MYO3A: variants seen among roughly 807,000 people sequenced by gnomAD.
The protein encoded by MYO3A is myosin-IIIa.
MYO3A carries 180 observed loss-of-function variants against 192.7 expected under a neutral mutation model. The ratio of observed to expected loss-of-function variants is 0.93; its 90% CI spans 0.83 to 1.06. The LOEUF (loss-of-function observed/expected upper bound fraction) is 1.06, where lower values mean the gene tolerates loss of function less well. MYO3A is among the 50% of genes least tolerant of loss of function. MYO3A has a pLI of 0.00. For missense variants in MYO3A, 1,896 were observed against 1,905.0 expected (o/e 1.00, Z 0.09); for synonymous variants, 628 against 645.3 (o/e 0.97, Z 0.41).
chr10:26,184,800 C>T (rs774809566), intron 31 of MYO3A, among the ~76,000 whole-genome samples: 3 of 152,186 alleles, frequency 2.0e-5, no homozygotes, highest in Admixed American at 1.3e-4. Context: ...AGCCACAAAC[C>T]TTATTATGCT....
At chr10:26,078,826 T>C (rs1835754950) in intron 14 of MYO3A, among the ~76,000 whole-genome samples, 1 of 152,174 alleles carries the variant, frequency 6.6e-6, no homozygotes, top group Non-Finnish European at 1.5e-5. Context: ...TGAAGGTTTC[T>C]TTTGGAGTTG....
chr10:26,147,632 A>G, intron 23 of MYO3A, 73 bp downstream of exon 23: 1 of 1,598,132 alleles, frequency 6.3e-7, no homozygotes, highest in Admixed American at 1.7e-5. Flanking sequence ...GCTTTTCACT[A>G]ATTTCATCCT....
chr10:25,965,073 G>T (rs772135837), intron 4 of MYO3A, among the ~76,000 whole-genome samples: 7 of 152,118 alleles, frequency 4.6e-5, no homozygotes, highest in Non-Finnish European at 1.0e-4. Context: ...TAAATGCCTT[G>T]AGGTAGTCTT....
chr10:26,199,616 A>G (rs1343678084), intron 32 of MYO3A, among the ~76,000 whole-genome samples: 15 of 152,184 alleles, frequency 9.9e-5, no homozygotes, highest in Admixed American at 9.2e-4. Context: ...GGCAAGAGTG[A>G]AAGATGTCTG....
chr10:25,947,651 C>T (rs1033100658), intron 2 of MYO3A, among the ~76,000 whole-genome samples: 2 of 152,094 alleles, frequency 1.3e-5, no homozygotes, highest in Non-Finnish European at 2.9e-5. Flanking sequence ...CCTCTACCTC[C>T]CAAAGTGTTG....
At chr10:25,989,489 T>C (rs995807806) in intron 4 of MYO3A, among the ~76,000 whole-genome samples, 1 of 152,126 alleles carries the variant, frequency 6.6e-6, no homozygotes, top group Non-Finnish European at 1.5e-5. Flanking sequence ...CATACTCCTG[T>C]ATAACCTGAA....
chr10:25,995,798 G>T (rs1840392403), intron 4 of MYO3A, among the ~76,000 whole-genome samples: 1 of 152,210 alleles, frequency 6.6e-6, no homozygotes, highest in Non-Finnish European at 1.5e-5. Context: ...GGTATCAGCA[G>T]CGGAGGCTGC....
chr10:26,191,470 T>G (rs1843125759), intron 31 of MYO3A, among the ~76,000 whole-genome samples: 1 of 152,232 alleles, frequency 6.6e-6, no homozygotes, highest in African/African-American at 2.4e-5. Context: ...CTTTTGTTTA[T>G]TACTAATCTG....
chr10:26,185,618 G>A (rs1043469743), intron 31 of MYO3A, among the ~76,000 whole-genome samples: 3 of 151,972 alleles, frequency 2.0e-5, no homozygotes, highest in African/African-American at 7.2e-5. Flanking sequence ...GGAATTACAG[G>A]TGTGAGCCAC....
chr10:26,105,500 T>A (rs1202389871), intron 17 of MYO3A, among the ~76,000 whole-genome samples: 2 of 152,176 alleles, frequency 1.3e-5, no homozygotes, highest in East Asian at 3.8e-4. Flanking sequence ...TTAGATTTAC[T>A]CTTATGAATT....
At chr10:26,158,477 G>C (rs866964947) in intron 26 of MYO3A, among the ~76,000 whole-genome samples, 3 of 151,834 alleles carry the variant, frequency 2.0e-5, no homozygotes, top group Non-Finnish European at 2.9e-5. Context: ...GGATGGTCTC[G>C]ATCTTCTGAC....
intron 4 of MYO3A, among the ~76,000 whole-genome samples, chr10:25,960,773 G>A (rs558758709): frequency 6.6e-6 from 1 of 152,096 alleles, no homozygotes; most frequent in South Asian, 2.1e-4. Flanking sequence ...GAAAATTAGA[G>A]GATGGTCTTG....
At chr10:26,177,628 G>A (rs1842398768) in intron 31 of MYO3A, among the ~76,000 whole-genome samples, 1 of 152,182 alleles carries the variant, frequency 6.6e-6, no homozygotes, top group Admixed American at 6.5e-5. Flanking sequence ...GTAAAGTTCA[G>A]GAGTCCCACG....
chr10:26,100,097 G>T lies in MYO3A; in HGVS notation c.1776+3415G>T, dbSNP rs199545678. Among the ~76,000 whole-genome samples, 16 of 151,904 alleles carry T rather than the reference G, an allele frequency of 1.1e-4. No individual in the cohort carries two copies. In the East Asian group the frequency reaches 2.7e-3, roughly 26 times the overall value. ...ATTGCCTCAATTTCAAAGCCCGTTG[G>T]TCTATTGAGGGATTCAACTTCTTCC... On this transcript the variant is annotated intron_variant, in intron 17 of 34. Transcript: ENST00000642920.
intron 10 of MYO3A, among the ~76,000 whole-genome samples, chr10:26,051,382 C>G (rs1386370115): frequency 6.6e-6 from 1 of 151,826 alleles, no homozygotes; most frequent in Non-Finnish European, 1.5e-5. Context: ...CTATACACAT[C>G]AGTTGCATTA....
At position 26,067,033 on chromosome 10, in the gene MYO3A, AAGG is replaced by A; in HGVS notation, c.1014_1016del (p.Lys338_Asp339delinsAsn). On this transcript the variant is annotated inframe_deletion, in exon 11 of 35. Coordinates refer to ENST00000642920, the MANE Select transcript of MYO3A (RefSeq NM_017433.5). ...CAACCGACCTCTAATATCCAATCTG[AAGG>A]ATGTAGATGATTTAGCAACCCTAGA... The A allele has an allele frequency of 6.2e-7, 1 of 1,613,094 alleles. No homozygotes were observed. The highest frequency in any genetic ancestry group is 1.1e-5 in the South Asian group (1 of 91,070).
intron 17 of MYO3A, among the ~76,000 whole-genome samples, chr10:26,098,190 T>C (rs2131571426): frequency 6.6e-6 from 1 of 152,360 alleles, no homozygotes; most frequent in Admixed American, 6.5e-5. Flanking sequence ...TTTTTTCTTG[T>C]GACTGCTGGC....
intron 4 of MYO3A, among the ~76,000 whole-genome samples, chr10:25,984,676 C>T (rs566001815): frequency 1.5e-4 from 23 of 152,230 alleles, no homozygotes; most frequent in African/African-American, 5.5e-4. Flanking sequence ...ACCAAAAACC[C>T]TGGTGTTCCT....
At chr10:26,075,360 T>G (rs959245130) in intron 14 of MYO3A, among the ~76,000 whole-genome samples, 6 of 151,798 alleles carry the variant, frequency 4.0e-5, no homozygotes, top group African/African-American at 9.6e-5. Context: ...TTTGTGAGAT[T>G]TTGGTGCACC....
Sources: allele counts gnomAD v4.1 joint callset (sites outside exome capture counted in the v4.1 genomes callset), GRCh38; gene constraint gnomAD v4.1.1; transcripts MANE v1.5; gene names NCBI Gene and HGNC (gene_info 2026-07-23, HGNC 2026-07-21).